ATP11A: variants seen among roughly 807,000 people sequenced by gnomAD.
ATP11A encodes ATPase phospholipid transporting 11A.
A neutral mutation model predicts 154.4 loss-of-function variants in ATP11A; 81 were observed. The ratio of observed to expected loss-of-function variants is 0.52; its 90% CI spans 0.44 to 0.63. The LOEUF (loss-of-function observed/expected upper bound fraction) is 0.63. Among genes scored for constraint, ATP11A ranks in the 30% least tolerant of loss-of-function variants. The pLI, the probability that ATP11A is intolerant of heterozygous loss-of-function variation, is 0.00. For synonymous variants in ATP11A, 623 were observed against 585.9 expected (o/e 1.06, Z -0.91); for missense variants, 1,316 against 1,474.3 (o/e 0.89, Z 1.76).
chr13:112,829,054 C>T (rs938959118), intron 12 of ATP11A, among the ~76,000 whole-genome samples: 6 of 152,248 alleles, frequency 3.9e-5, no homozygotes, highest in African/African-American at 1.4e-4. Context: ...GTGCTCAGTG[C>T]TATTGCGCCG....
At chr13:112,881,271 C>T (rs1184389687) in intron 29 of ATP11A, 3 of 992,820 alleles carry the variant, frequency 3.0e-6, no homozygotes, top group Middle Eastern at 5.1e-4. Flanking sequence ...TCCGGGGCCC[C>T]AGTGGGCTGT....
At position 112,873,565 on chromosome 13, in the gene ATP11A, C is replaced by A; in HGVS notation, c.3058-8C>A. 2 of 1,566,016 alleles carry A rather than the reference C, an allele frequency of 1.3e-6. No individual in the cohort carries two copies. Among genetic ancestry groups the A allele is most frequent in the Non-Finnish European group, 8.6e-7 (1 of 1,160,646 alleles). On this transcript the variant is annotated splice_region_variant and splice_polypyrimidine_tract_variant and intron_variant, in intron 26 of 29. Coordinates refer to ENST00000375645, the MANE Select transcript of ATP11A (RefSeq NM_015205.3). ...CACCGTTAACTGCCCTTTTTTTTTT[C>A]CTTTTAGCTTGCATTGGACACACAC...
rs982401097 is a variant in ATP11A at position 112,886,861 on chromosome 13, A to G, written c.*4995A>G. On this transcript the variant is annotated 3_prime_UTR_variant, in exon 30 of 30. Transcript: ENST00000375645. ...GTATCCATAGTTGTCATCATCATAA[A>G]TACTGGAGTTTATTTTTAAATTATT... 9 of 152,450 alleles carry G rather than the reference A, an allele frequency of 5.9e-5. No homozygotes were observed. Among genetic ancestry groups the G allele is most frequent in the Non-Finnish European group, 1.2e-4 (8 of 68,050 alleles). 9.4% of individuals were successfully genotyped at this position (152,450 alleles called of 1,614,324 possible).
intron 1 of ATP11A, among the ~76,000 whole-genome samples, chr13:112,737,574 C>G (rs1891124108): frequency 6.6e-6 from 1 of 152,122 alleles, no homozygotes; most frequent in Non-Finnish European, 1.5e-5. Flanking sequence ...GCAGAGGCCC[C>G]AAGACAGGAC....
At chr13:112,774,635 G>C (rs371043876) in intron 1 of ATP11A, among the ~76,000 whole-genome samples, 1 of 152,232 alleles carries the variant, frequency 6.6e-6, no homozygotes, top group Admixed American at 6.5e-5. Flanking sequence ...GAACCAGAGC[G>C]GTTGCAAGAC....
rs118004998 is a variant in ATP11A, at chr13:112,844,741, C to T, written c.1809+2362C>T. On this transcript the variant is annotated intron_variant, in intron 17 of 29. Transcript: ENST00000375645. ...CGGCCGCTAGTCCAAGTACCTCTAG[C>T]GGTACTAGTCCAAGTGCCGGGCACT... Among the ~76,000 whole-genome samples, 35 of 104,250 alleles carry T rather than the reference C, an allele frequency of 3.4e-4. 1 individual carries two copies. In the East Asian group the frequency reaches 9.1e-3, roughly 27 times the overall value. The allele number at this position is 104,250 out of a possible 152,430, so 68.4% of individuals were successfully genotyped here. A position where few individuals can be genotyped will look rare whatever the true frequency, so the allele number is the denominator to read the frequency against.
chr13:112,769,591 A>C (rs997334324), intron 1 of ATP11A, among the ~76,000 whole-genome samples: 1 of 152,218 alleles, frequency 6.6e-6, no homozygotes, highest in Non-Finnish European at 1.5e-5. Flanking sequence ...TAGCTCAGTC[A>C]TGTGAACCTC....
intron 25 of ATP11A, among the ~76,000 whole-genome samples, chr13:112,865,854 C>G (rs1247748104): frequency 6.6e-6 from 1 of 152,208 alleles, no homozygotes; most frequent in African/African-American, 2.4e-5. Flanking sequence ...CACGGCCAGC[C>G]TGCTGAGGTT....
chr13:112,812,848 C>T (rs1594775283), intron 5 of ATP11A, among the ~76,000 whole-genome samples: 3 of 152,230 alleles, frequency 2.0e-5, no homozygotes, highest in Non-Finnish European at 2.9e-5. Context: ...GGGGAACAGC[C>T]GCGAGCTCCA....
intron 1 of ATP11A, among the ~76,000 whole-genome samples, chr13:112,705,522 C>T (rs556954149): frequency 1.2e-4 from 18 of 152,254 alleles, no homozygotes; most frequent in African/African-American, 3.6e-4. Flanking sequence ...GTAGCACACC[C>T]GCTGTGAGGA....
At position 112,690,550 on chromosome 13, in the gene ATP11A, T is replaced by C. The variant is rs1218193395; in HGVS notation, c.39+95T>C. The C allele has an allele frequency of 3.4e-6, 4 of 1,165,358 alleles. No individual in the cohort carries two copies. The highest frequency in any genetic ancestry group is 3.2e-6 in the Non-Finnish European group (3 of 923,866). The allele number at this position is 1,165,358 out of a possible 1,614,324, so 72.2% of individuals were successfully genotyped here. ...CCCTGTGGCCGGTCCAGCCCCGGGG[T>C]CCCGGGAGGTCTCCGATGTCTGGGA... On this transcript the variant is annotated intron_variant, in intron 1 of 29. Transcript: ENST00000375645. The surrounding 1 kb of genome is among the most constrained non-coding windows in gnomAD (Gnocchi z 5.6).
At chr13:112,736,394 A>G (rs1396762136) in intron 1 of ATP11A, among the ~76,000 whole-genome samples, 2 of 152,204 alleles carry the variant, frequency 1.3e-5, no homozygotes, top group Non-Finnish European at 2.9e-5. Context: ...ATAGGAAAAG[A>G]TGTTATCACT....
Position 112,690,486 on chromosome 13 carries a change from C to T in ATP11A, c.39+31C>T, listed in dbSNP as rs1328958705. ...TGCTCCCGGCGCGGGCTGGGGGACC[C>T]GGGGACCAGACAGACGCGGGCCGGC... On this transcript the variant is annotated intron_variant, in intron 1 of 29. Transcript: ENST00000375645. The surrounding 1 kb of genome is among the most constrained non-coding windows in gnomAD (Gnocchi z 5.6). The T allele has an allele frequency of 6.8e-6, 9 of 1,321,786 alleles. No homozygotes were observed. In the Admixed American group the frequency reaches 1.0e-4, roughly 15 times the overall value. The allele number at this position is 1,321,786 out of a possible 1,614,324, so 81.9% of individuals were successfully genotyped here. A position where few individuals can be genotyped will look rare whatever the true frequency, so the allele number is the denominator to read the frequency against.
At chr13:112,858,042 G>T in intron 21 of ATP11A, 103 bp from the exon 22 acceptor site, 1 of 1,570,598 alleles carries the variant, frequency 6.4e-7, no homozygotes. Flanking sequence ...GTGTGTGACC[G>T]GGAAGGCTCA....
chr13:112,881,961 A>G lies in ATP11A; in HGVS notation c.*95A>G. 1 of 1,367,748 alleles carries G rather than the reference A, an allele frequency of 7.3e-7. No individual in the cohort carries two copies. The highest frequency in any genetic ancestry group is 4.6e-5 in the East Asian group (1 of 21,976). The allele number at this position is 1,367,748 out of a possible 1,614,324, so 84.7% of individuals were successfully genotyped here. A position where few individuals can be genotyped will look rare whatever the true frequency, so the allele number is the denominator to read the frequency against. On this transcript the variant is annotated 3_prime_UTR_variant, in exon 30 of 30. Transcript: ENST00000375645. ...GTGACACTCGCGGCCTGGAAGGAGAAGGTGTCCACGGAGCCCCCACCCATC... is the reference window on the plus strand; with the variant it reads ...GTGACACTCGCGGCCTGGAAGGAGAGGGTGTCCACGGAGCCCCCACCCATC...
intron 1 of ATP11A, among the ~76,000 whole-genome samples, chr13:112,723,204 GTGGGT>G (rs1889397253): frequency 6.6e-6 from 1 of 150,462 alleles, no homozygotes. Flanking sequence ...TCCTGTGAGC[GTGGGT>G]TGAGGTAAAG....
At chr13:112,847,770 G>A (rs991966183) in intron 17 of ATP11A, among the ~76,000 whole-genome samples, 7 of 152,166 alleles carry the variant, frequency 4.6e-5, no homozygotes, top group Admixed American at 4.6e-4. Context: ...ATTTTAGGAT[G>A]GGCTTTTTCA....
chr13:112,701,919 G>A (rs1042552891), intron 1 of ATP11A, among the ~76,000 whole-genome samples: 12 of 152,144 alleles, frequency 7.9e-5, no homozygotes, highest in Admixed American at 3.9e-4. Flanking sequence ...CTGTGCTTGT[G>A]TCTCGGCATC....
rs1236413825 is a variant in ATP11A at position 112,882,902 on chromosome 13, G to A, written c.*1036G>A. 11 of 398,712 alleles carry A rather than the reference G, an allele frequency of 2.8e-5. No homozygotes were observed. In the South Asian group the frequency reaches 5.1e-4, roughly 18 times the overall value. The allele number at this position is 398,712 out of a possible 1,614,324, so 24.7% of individuals were successfully genotyped here. ...GCACCAGAACCTGTCTCGGGCTGAC[G>A]GGGGTGGCACACAGGACACGGGTGG... On this transcript the variant is annotated 3_prime_UTR_variant, in exon 30 of 30. Coordinates refer to ENST00000375645, the MANE Select transcript of ATP11A (RefSeq NM_015205.3). The surrounding 1 kb of genome is among the most constrained non-coding windows in gnomAD (Gnocchi z 5.1).
Sources: allele counts gnomAD v4.1 joint callset (sites outside exome capture counted in the v4.1 genomes callset), GRCh38; gene constraint gnomAD v4.1.1; non-coding constraint Gnocchi (gnomAD v3.1); transcripts MANE v1.5; gene names NCBI Gene and HGNC (gene_info 2026-07-23, HGNC 2026-07-21).